TJP2: variants seen among roughly 807,000 people sequenced by gnomAD.
TJP2 encodes the protein tight junction protein 2, also known as Friedreich ataxia region gene X104 (tight junction protein ZO-2).
A neutral mutation model predicts 133.1 loss-of-function variants in TJP2; 91 were observed. The observed-to-expected ratio is 0.68, with a 90% confidence interval of 0.58 to 0.81. The LOEUF (loss-of-function observed/expected upper bound fraction) is 0.81, where lower values mean the gene tolerates loss of function less well. TJP2 is among the 40% of genes least tolerant of loss of function. The pLI is 0.00. For missense variants in TJP2, 1,541 were observed against 1,565.6 expected (o/e 0.98, Z 0.26); for synonymous variants, 592 against 583.4 (o/e 1.01, Z -0.21).
intron 1 of TJP2, among the ~76,000 whole-genome samples, chr9:69,194,866 G>T (rs1030289602): frequency 6.6e-6 from 1 of 152,186 alleles, no homozygotes; most frequent in African/African-American, 2.4e-5. Flanking sequence ...CAAAGGGTGG[G>T]GTTCTTGCCT....
chr9:69,170,312 T>A (rs867511176), upstream of TJP2, among the ~76,000 whole-genome samples: 3 of 152,370 alleles, frequency 2.0e-5, no homozygotes, highest in Middle Eastern at 3.4e-3. Context: ...TTATTTTTTT[T>A]ATAATTTTAT....
At chr9:69,205,258 C>A in intron 1 of TJP2, 9 of 1,537,270 alleles carry the variant, frequency 5.9e-6, no homozygotes, top group Non-Finnish European at 7.8e-6. Context: ...AAGCTCTCCC[C>A]TTGTTTTCCC....
chr9:69,244,644 A>G (rs899741883), intron 17 of TJP2, among the ~76,000 whole-genome samples: 6 of 152,244 alleles, frequency 3.9e-5, no homozygotes, highest in Non-Finnish European at 8.8e-5. Flanking sequence ...AAGCGGAATG[A>G]GAGAATCCAA....
chr9:69,227,463 A>T lies in TJP2; in HGVS notation c.1211-302A>T, dbSNP rs17411479. ...GAGAAGCATTGGGCTGCTTGGGAAGAATTAGTGTATACATCTATGATCCAA... is the reference window on the plus strand; with the variant it reads ...GAGAAGCATTGGGCTGCTTGGGAAGTATTAGTGTATACATCTATGATCCAA... On this transcript the variant is annotated intron_variant, in intron 7 of 22. Transcript: ENST00000377245. Among the ~76,000 whole-genome samples the T allele has an allele frequency of 0.087, 13,184 of 152,268 alleles. 660 individuals are homozygous for T. The highest frequency in any genetic ancestry group is 0.13 in the African/African-American group (5,244 of 41,530).
At chr9:69,161,689 CTAT>C (rs1458868233) in intron 2 of TJP2, among the ~76,000 whole-genome samples, 84 of 151,300 alleles carry the variant, frequency 5.6e-4, no homozygotes, top group African/African-American at 2.0e-3. Flanking sequence ...TATGAAGTGT[CTAT>C]TATTAACAAT....
At chr9:69,170,769 G>A (rs1208018461), upstream of TJP2, among the ~76,000 whole-genome samples, 1 of 152,024 alleles carries the variant, frequency 6.6e-6, no homozygotes, top group African/African-American at 2.4e-5. Flanking sequence ...TTCCTTTCTG[G>A]CAGCTCCTCT....
At chr9:69,137,295 C>CTT (rs1554768454) in intron 1 of TJP2, among the ~76,000 whole-genome samples, 2 of 69,444 alleles carry the variant, frequency 2.9e-5, no homozygotes, top group African/African-American at 9.8e-5. Flanking sequence ...TTCTTTCTTT[C>CTT]TTTCTTTTCT....
intron 22 of TJP2, 43 bp from the exon 23 acceptor site, chr9:69,254,166 A>G (rs958767375): frequency 6.2e-7 from 1 of 1,612,814 alleles, no homozygotes; most frequent in Non-Finnish European, 8.5e-7. Flanking sequence ...GCCGGAGGAC[A>G]TGGATGTGCT....
chr9:69,154,055 T>G (rs567847418), intron 2 of TJP2, among the ~76,000 whole-genome samples: 2 of 152,338 alleles, frequency 1.3e-5, no homozygotes, highest in African/African-American at 4.8e-5. Flanking sequence ...AGGAAAGTAT[T>G]AACTAGCTCC....
Position 69,252,876 on chromosome 9 carries a change from A to C in TJP2, c.3383A>C (p.Asp1128Ala), listed in dbSNP as rs1368737159. 1.2e-6 allele frequency: 2 copies of C among 1,614,042 alleles called. No individual in the cohort carries two copies. Among genetic ancestry groups the C allele is most frequent in the Non-Finnish European group, 1.7e-6 (2 of 1,180,040 alleles). ...YAVPIKTHKP[D>A]PGTPQHTSSR... ...GTTCCAATCAAAACGCACAAGCCAG[A>C]CCCTGGCACGCCCCAGCACACGAGG... Residue 1128 changes from aspartate to alanine, a missense_variant, in exon 22 of 23, where the codon GAC becomes GCC. By Grantham distance (126) the Asp-to-Ala change is moderately radical. Transcript: ENST00000377245.
At chr9:69,220,838 ATTCAGTTGTGATTG>A in intron 4 of TJP2, 35 bp from the exon 5 acceptor site, 1 of 1,581,218 alleles carries the variant, frequency 6.3e-7, no homozygotes, top group Non-Finnish European at 8.7e-7. Flanking sequence ...CCTTCTCCAC[ATTCAGTTGTGATTG>A]TCCTGCGTCC....
At chr9:69,159,934 T>C (rs925422397) in intron 2 of TJP2, among the ~76,000 whole-genome samples, 3 of 150,660 alleles carry the variant, frequency 2.0e-5, no homozygotes, top group African/African-American at 4.9e-5. Context: ...TCTTTTTTTT[T>C]CCTAGAGTGT....
chr9:69,227,188 T>C (rs777354247), intron 7 of TJP2, among the ~76,000 whole-genome samples: 10 of 152,150 alleles, frequency 6.6e-5, no homozygotes, highest in Non-Finnish European at 1.2e-4. Context: ...TTCCAGTGTA[T>C]CAGAAGTTGT....
chr9:69,164,780 C>G (rs569282868), intron 2 of TJP2, among the ~76,000 whole-genome samples: 9 of 152,242 alleles, frequency 5.9e-5, no homozygotes, highest in South Asian at 2.1e-4. Flanking sequence ...ATAGAGGGGC[C>G]GGAAAGCCGG....
intron 11 of TJP2, among the ~76,000 whole-genome samples, chr9:69,232,438 A>G (rs915579210): frequency 2.6e-5 from 4 of 152,340 alleles, no homozygotes; most frequent in South Asian, 2.1e-4. Flanking sequence ...TATTTATTGG[A>G]AAGGACTGTT....
At chr9:69,194,287 G>A (rs1826401123) in intron 1 of TJP2, among the ~76,000 whole-genome samples, 1 of 151,938 alleles carries the variant, frequency 6.6e-6, no homozygotes, top group Admixed American at 6.6e-5. Flanking sequence ...TTAATACCTG[G>A]CATTCTGCTC....
chr9:69,191,474 C>G (rs1028279694), intron 1 of TJP2, among the ~76,000 whole-genome samples: 1 of 152,158 alleles, frequency 6.6e-6, no homozygotes, highest in Admixed American at 6.5e-5. Flanking sequence ...GGTGTGGCTT[C>G]AAAGGCTTGG....
Position 69,236,956 on chromosome 9 carries a change from C to T in TJP2, c.1999C>T (p.Gln667Ter). 2 of 1,614,140 alleles carry T rather than the reference C, an allele frequency of 1.2e-6. No individual in the cohort carries two copies. Among genetic ancestry groups the T allele is most frequent in the Non-Finnish European group, 1.7e-6 (2 of 1,180,018 alleles). The change falls in exon 14 of 23, where the codon CAA (glutamine) becomes TAA (stop). Residue 667 changes from glutamine to a stop codon, truncating the protein, a stop_gained. Transcript: ENST00000377245. LOFTEE classifies it high-confidence loss of function. ...CCCGTGGTTTCTTCTCAGAGCTGAACAAATGGCCAGTGTTCAAAATGCCCA... is the reference window on the plus strand; with the variant it reads ...CCCGTGGTTTCTTCTCAGAGCTGAATAAATGGCCAGTGTTCAAAATGCCCA... ...GLIPNKSRAE[Q>*]MASVQNAQRD...
intron 1 of TJP2, among the ~76,000 whole-genome samples, chr9:69,184,956 C>T (rs1825754567): frequency 6.6e-6 from 1 of 152,004 alleles, no homozygotes; most frequent in Admixed American, 6.6e-5. Context: ...GTCTATGTTG[C>T]CCAGGTGGGC....
Sources: allele counts gnomAD v4.1 joint callset (sites outside exome capture counted in the v4.1 genomes callset), GRCh38; gene constraint gnomAD v4.1.1; transcripts MANE v1.5; gene names NCBI Gene and HGNC (gene_info 2026-07-23, HGNC 2026-07-21).